Variants in MSR1 observed in about 807,000 individuals in gnomAD.
The protein encoded by MSR1 is macrophage scavenger receptor types I and II.
In MSR1, 53 loss-of-function variants were observed where a neutral mutation model predicts 47.2. That is an observed-to-expected ratio of 1.12 (90% confidence interval 0.90 to 1.41). The LOEUF (loss-of-function observed/expected upper bound fraction) is 1.41, where lower values mean the gene tolerates loss of function less well. Ranked by LOEUF, MSR1 falls within the 40% of genes most tolerant of loss-of-function variation. The pLI, the probability that MSR1 is intolerant of heterozygous loss-of-function variation, is 0.00. For synonymous variants in MSR1, 239 were observed against 185.6 expected (o/e 1.29, Z -2.34); for missense variants, 786 against 546.9 (o/e 1.44, Z -4.36).
At chr8:16,125,213 C>G (rs1800102422) in intron 8 of MSR1, among the ~76,000 whole-genome samples, 3 of 152,062 alleles carry the variant, frequency 2.0e-5, no homozygotes, top group African/African-American at 7.2e-5. Flanking sequence ...AATGTCAATT[C>G]AATTTACAAT....
chr8:16,143,470 C>A (rs569053083), intron 8 of MSR1, 88 bp downstream of exon 8: 1 of 1,205,840 alleles, frequency 8.3e-7, no homozygotes, highest in Non-Finnish European at 1.2e-6. Flanking sequence ...GCTGAAGTTG[C>A]GAACATTTGC....
rs752265419 is a variant in MSR1 at position 16,175,176 on chromosome 8, G to T, written c.217+11C>A. ...CGAGTTACTAAATTTCAAAACTCTG[G>T]GTTACGTTACCTGCCACTATTCCAA... On this transcript the variant is annotated intron_variant, in intron 3 of 9. Transcript: ENST00000262101. 5.0e-6 allele frequency: 8 copies of T among 1,608,730 alleles called. No individual in the cohort carries two copies. Among genetic ancestry groups the T allele is most frequent in the Non-Finnish European group, 6.0e-6 (7 of 1,175,354 alleles).
At chr8:16,172,393 A>T (rs892668846) in intron 3 of MSR1, among the ~76,000 whole-genome samples, 2 of 152,138 alleles carry the variant, frequency 1.3e-5, no homozygotes, top group African/African-American at 4.8e-5. Flanking sequence ...GTGAAAACTA[A>T]TTTTTCTATA....
intron 7 of MSR1, 52 bp downstream of exon 7, chr8:16,150,179 T>A: frequency 2.3e-6 from 1 of 441,870 alleles, no homozygotes; most frequent in Non-Finnish European, 3.8e-6. Flanking sequence ...TATAAAATTA[T>A]CTGGTGTTTC....
At chr8:16,132,337 T>C (rs541885020) in intron 8 of MSR1, among the ~76,000 whole-genome samples, 1 of 152,284 alleles carries the variant, frequency 6.6e-6, no homozygotes, top group East Asian at 1.9e-4. Flanking sequence ...TACACTGATT[T>C]TGTATCCTGA....
chr8:16,191,313 A>C (rs934198913), intron 1 of MSR1, among the ~76,000 whole-genome samples: 2 of 152,206 alleles, frequency 1.3e-5, no homozygotes, highest in African/African-American at 4.8e-5. Flanking sequence ...TCTGAAATCT[A>C]GATTTGAGTA....
In MSR1 at chr8:16,120,429, T is replaced by G; in HGVS notation, c.1211A>C (p.His404Pro). The G allele has an allele frequency of 1.2e-6, 2 of 1,613,494 alleles. No individual in the cohort carries two copies. Among genetic ancestry groups the G allele is most frequent in the Middle Eastern group, 1.6e-4 (1 of 6,062 alleles). The change falls in exon 9 of 10, where the codon CAC becomes CCC. Residue 404 changes from histidine (H) to proline (P), a missense_variant. Physicochemically the swap from His to Pro is moderately conservative, Grantham distance 77. Transcript: ENST00000262101. ...PGVQAVHKAA[H>P]FGQGTGPIWL... Reference sequence around the variant, plus strand: ...TTTCTTTAAATTACCTTGTCCAAAGTGAGCTGCCTTGTGCACGGCTTGAAC... The same window carrying G: ...TTTCTTTAAATTACCTTGTCCAAAGGGAGCTGCCTTGTGCACGGCTTGAAC...
intron 8 of MSR1, chr8:16,120,879 T>C (rs915640261): frequency 1.3e-5 from 6 of 452,250 alleles, no homozygotes; most frequent in Non-Finnish European, 2.4e-5. Flanking sequence ...ACAGATTATA[T>C]TCCAACGAGT....
chr8:16,181,129 A>G (rs551874443), intron 1 of MSR1, among the ~76,000 whole-genome samples: 3 of 152,314 alleles, frequency 2.0e-5, no homozygotes, highest in Admixed American at 2.0e-4. Flanking sequence ...AATAATTAAA[A>G]AAAACTGACA....
rs1799715455 is a variant in MSR1 at position 16,109,809 on chromosome 8, T to C, written c.*276A>G. ...GCATTTCTATTACCCTTGGCCTTTGTAATCTGGAAGCTATAAACTTCAAAA... is the reference window on the plus strand; with the variant it reads ...GCATTTCTATTACCCTTGGCCTTTGCAATCTGGAAGCTATAAACTTCAAAA... On this transcript the variant is annotated 3_prime_UTR_variant, in exon 10 of 10. Transcript: ENST00000262101. The C allele has an allele frequency of 7.1e-6, 3 of 425,078 alleles. No homozygotes were observed. The highest frequency in any genetic ancestry group is 1.3e-5 in the Non-Finnish European group (3 of 234,764). The allele number at this position is 425,078 out of a possible 1,614,324, so 26.3% of individuals were successfully genotyped here.
At chr8:16,152,540 A>C (rs185200546) in intron 6 of MSR1, among the ~76,000 whole-genome samples, 1 of 152,152 alleles carries the variant, frequency 6.6e-6, no homozygotes, top group Admixed American at 6.6e-5. Flanking sequence ...GATGATGAAA[A>C]GTTTGCAGCC....
intron 7 of MSR1, among the ~76,000 whole-genome samples, chr8:16,146,691 A>G (rs1021301977): frequency 8.6e-5 from 13 of 151,904 alleles, no homozygotes; most frequent in Admixed American, 1.3e-4. Context: ...CTTCTCTTCC[A>G]TTTGCTACTT....
intron 9 of MSR1, among the ~76,000 whole-genome samples, chr8:16,117,780 C>T (rs139828579): frequency 4.5e-4 from 69 of 152,066 alleles, no homozygotes; most frequent in African/African-American, 1.6e-3. Context: ...CAGATGGGAC[C>T]GTCTAGTTGC....
rs1428941522 is a variant in MSR1 at position 16,192,604 on chromosome 8, T to C, written c.-11A>G. ...AGCCTTTTTTTTTCTTTACCTTTCG[T>C]CCTAAAGAAAGCAGCACTGATTTAT... On this transcript the variant is annotated 5_prime_UTR_variant, in exon 1 of 10. Transcript: ENST00000262101. The C allele has an allele frequency of 6.6e-6, 1 of 152,026 alleles. No individual in the cohort carries two copies. Among genetic ancestry groups the C allele is most frequent in the South Asian group, 2.1e-4 (1 of 4,814 alleles). The allele number at this position is 152,026 out of a possible 1,614,324, so 9.4% of individuals were successfully genotyped here. A position where few individuals can be genotyped will look rare whatever the true frequency, so the allele number is the denominator to read the frequency against.
intron 1 of MSR1, among the ~76,000 whole-genome samples, chr8:16,185,613 CA>C (rs1282011905): frequency 6.6e-6 from 1 of 152,074 alleles, no homozygotes; most frequent in Non-Finnish European, 1.5e-5. Flanking sequence ...TCTGACTGCA[CA>C]AAAACTCCTG....
rs74710234 is a variant in MSR1 at position 16,183,112 on chromosome 8, A to G, written c.-4-5120T>C. On this transcript the variant is annotated intron_variant, in intron 1 of 9. Coordinates refer to ENST00000262101, the MANE Select transcript of MSR1 (RefSeq NM_138715.3). The stretch of plus-strand genomic sequence containing the variant: ...ATGGTCCTGTGTTGACTGAAACATT[A>G]TTATGTAGTGCATGTCTATAACCAG... 3.7e-3 allele frequency among the ~76,000 whole-genome samples: 568 copies of G among 152,238 alleles called. 25 individuals carry two copies. The East Asian group carries it at 0.098, about 26-fold the overall frequency.
At chr8:16,141,164 T>C (rs1335617118) in intron 8 of MSR1, 1 of 1,130,350 alleles carries the variant, frequency 8.8e-7, no homozygotes, top group African/African-American at 1.6e-5. Flanking sequence ...CACCATTAAC[T>C]ACAGATGTGG....
At chr8:16,182,546 T>C (rs2117223817) in intron 1 of MSR1, among the ~76,000 whole-genome samples, 2 of 148,468 alleles carry the variant, frequency 1.3e-5, no homozygotes, top group South Asian at 4.4e-4. Context: ...CTTTATCCTA[T>C]AAGCTATTTT....
chr8:16,186,905 G>C (rs1268217360), intron 1 of MSR1, among the ~76,000 whole-genome samples: 1 of 152,002 alleles, frequency 6.6e-6, no homozygotes, highest in Non-Finnish European at 1.5e-5. Context: ...ATGAGCTATT[G>C]AGCATGGCCT....
Sources: gnomAD v4.1 joint callset for allele counts (sites outside exome capture counted in the v4.1 genomes callset) on GRCh38, gnomAD v4.1.1 for gene constraint, MANE v1.5 for transcripts, NCBI Gene and HGNC (gene_info 2026-07-23, HGNC 2026-07-21) for gene names.